Variants in LRBA observed in about 807,000 individuals in gnomAD.
The protein encoded by LRBA is LPS responsive beige-like anchor protein.
LRBA carries 176 observed loss-of-function variants against 330.0 expected under a neutral mutation model. That is an observed-to-expected ratio of 0.53 (90% CI 0.47 to 0.60). LRBA has a LOEUF of 0.60. Ranked by LOEUF, LRBA falls within the 20% of genes least tolerant of loss-of-function variation. The pLI is 0.00. For synonymous variants in LRBA, 1,230 were observed against 1,193.0 expected (o/e 1.03, Z -0.64); for missense variants, 3,259 against 3,444.8 (o/e 0.95, Z 1.35).
chr4:150,439,567 G>A (rs1751550729), intron 44 of LRBA, among the ~76,000 whole-genome samples: 1 of 152,134 alleles, frequency 6.6e-6, no homozygotes, highest in African/African-American at 2.4e-5. Context: ...ACTCAGAGAA[G>A]TTACAGTGGG....
chr4:150,485,962 A>T (rs996793555), intron 42 of LRBA, among the ~76,000 whole-genome samples: 2 of 151,876 alleles, frequency 1.3e-5, no homozygotes, highest in Admixed American at 6.6e-5. Context: ...ATGTGGCCAA[A>T]GTGTACAAAC....
intron 22 of LRBA, among the ~76,000 whole-genome samples, chr4:150,858,389 T>C (rs1332000333): frequency 2.6e-5 from 4 of 151,840 alleles, no homozygotes; most frequent in African/African-American, 9.7e-5. Flanking sequence ...TTTTCTTTTT[T>C]TTTTTTAAGT....
intron 53 of LRBA, among the ~76,000 whole-genome samples, chr4:150,293,554 T>A (rs1222931000): frequency 6.6e-6 from 1 of 152,214 alleles, no homozygotes; most frequent in East Asian, 1.9e-4. Flanking sequence ...ACAGGAAATT[T>A]TAGTAGCAAC....
At chr4:150,609,096 C>G (rs1346439341) in intron 37 of LRBA, among the ~76,000 whole-genome samples, 1 of 152,204 alleles carries the variant, frequency 6.6e-6, no homozygotes, top group Non-Finnish European at 1.5e-5. Context: ...CTAGCATTCA[C>G]TTCTCTCCTC....
chr4:150,543,822 C>T (rs1348144532), intron 40 of LRBA, among the ~76,000 whole-genome samples: 3 of 152,018 alleles, frequency 2.0e-5, no homozygotes, highest in Non-Finnish European at 4.4e-5. Flanking sequence ...TACCAAAGTA[C>T]CTCAACAAAT....
chr4:150,544,282 C>A (rs1173385739), intron 40 of LRBA, among the ~76,000 whole-genome samples: 1 of 152,204 alleles, frequency 6.6e-6, no homozygotes, highest in East Asian at 1.9e-4. Context: ...TGCATGCCAC[C>A]ATGCCCAGCT....
chr4:150,271,357 C>T (rs1431556355), intron 56 of LRBA, among the ~76,000 whole-genome samples: 29 of 150,920 alleles, frequency 1.9e-4, no homozygotes, highest in South Asian at 1.1e-3. Flanking sequence ...GGAATGCCAG[C>T]GAGACAGAAC....
rs756807877 is a variant in LRBA, at chr4:150,415,505, A to G, written c.7127T>C (p.Val2376Ala). The change falls in exon 47 of 57, where the codon GTA becomes GCA. Residue 2376 changes from valine (V) to alanine (A), a missense_variant. Coordinates refer to ENST00000651943, the MANE Select transcript of LRBA (RefSeq NM_001364905.1). ...YNLGVMDDGTVVSDVELPPWA... is the reference protein window; with the variant it reads ...YNLGVMDDGTAVSDVELPPWA... ...AGGAGGAAGTTCGACATCAGACACT[A>G]CTGTCCCATCATCCATCACTCCAAG... 3.1e-6 allele frequency: 5 copies of G among 1,609,902 alleles called. No individual in the cohort carries two copies. The African/African-American group carries it at 5.3e-5, about 17-fold the overall frequency.
chr4:150,998,345 C>T (rs1742923133), intron 2 of LRBA, among the ~76,000 whole-genome samples: 1 of 147,866 alleles, frequency 6.8e-6, no homozygotes, highest in African/African-American at 2.5e-5. Context: ...GAGAACGAAA[C>T]TCCGTCTCAA....
intron 48 of LRBA, among the ~76,000 whole-genome samples, chr4:150,342,578 C>T (rs1735737944): frequency 6.6e-6 from 1 of 152,136 alleles, no homozygotes; most frequent in Non-Finnish European, 1.5e-5. Context: ...GTTTAATGTG[C>T]TGCAGGCTGT....
At chr4:150,465,765 G>A (rs1755372301) in intron 44 of LRBA, among the ~76,000 whole-genome samples, 3 of 151,920 alleles carry the variant, frequency 2.0e-5, no homozygotes, top group Admixed American at 2.0e-4. Context: ...CCATGAATAA[G>A]GCTTTCCTCT....
chr4:150,372,749 C>T (rs78668390), intron 47 of LRBA, among the ~76,000 whole-genome samples: 3 of 37,888 alleles, frequency 7.9e-5, no homozygotes, highest in Admixed American at 6.7e-4. Flanking sequence ...ATGCCTGGTA[C>T]GCAGTAAGTT....
At chr4:150,882,015 G>A (rs985427813) in intron 17 of LRBA, among the ~76,000 whole-genome samples, 3 of 152,054 alleles carry the variant, frequency 2.0e-5, no homozygotes, top group African/African-American at 7.2e-5. Flanking sequence ...CAACCCGAGA[G>A]GCAGAAGTTG....
intron 53 of LRBA, among the ~76,000 whole-genome samples, chr4:150,300,175 C>A (rs938432409): frequency 2.0e-5 from 3 of 151,952 alleles, no homozygotes; most frequent in African/African-American, 7.2e-5. Flanking sequence ...GAAAAAGTGC[C>A]TATTTGTCTT....
At position 150,277,757 on chromosome 4, in the gene LRBA, C is replaced by T. The variant is rs531332134; in HGVS notation, c.8468+96G>A. 11 of 1,233,116 alleles carry T rather than the reference C, an allele frequency of 8.9e-6. No individual in the cohort carries two copies. In the South Asian group the frequency reaches 1.4e-4, roughly 16 times the overall value. 76.4% of individuals were successfully genotyped at this position (1,233,116 alleles called of 1,614,324 possible). ...GCTCAAGTGATTCTCCTGCCTCAGC[C>T]TCCCAAAGTACTGGGATTACAGGTG... On this transcript the variant is annotated intron_variant, in intron 56 of 56. Coordinates refer to ENST00000651943, the MANE Select transcript of LRBA (RefSeq NM_001364905.1).
At chr4:150,910,812 G>A (rs1239428368) in intron 9 of LRBA, among the ~76,000 whole-genome samples, 2 of 151,932 alleles carry the variant, frequency 1.3e-5, no homozygotes, top group African/African-American at 2.4e-5. Flanking sequence ...CATTTGTTTC[G>A]GTCTCTTAAA....
intron 37 of LRBA, among the ~76,000 whole-genome samples, chr4:150,652,821 G>C (rs1779826733): frequency 6.6e-6 from 1 of 152,106 alleles, no homozygotes; most frequent in African/African-American, 2.4e-5. Flanking sequence ...ATCGAGACTT[G>C]ATCAAATTGA....
intron 46 of LRBA, among the ~76,000 whole-genome samples, chr4:150,418,107 C>A (rs1021961407): frequency 1.3e-5 from 2 of 151,562 alleles, no homozygotes; most frequent in African/African-American, 4.8e-5. Flanking sequence ...TCACCGTAAC[C>A]TCAAACTTTA....
chr4:150,769,280 G>A (rs1289883453), intron 34 of LRBA, among the ~76,000 whole-genome samples: 1 of 151,850 alleles, frequency 6.6e-6, no homozygotes, highest in East Asian at 1.9e-4. Context: ...GTATTAATCA[G>A]GATTCTTCAG....
Sources: allele counts gnomAD v4.1 joint callset (sites outside exome capture counted in the v4.1 genomes callset), GRCh38; gene constraint gnomAD v4.1.1; transcripts MANE v1.5; gene names NCBI Gene and HGNC (gene_info 2026-07-23, HGNC 2026-07-21).